Variants in PLAC1 observed in about 807,000 individuals in gnomAD.
The protein encoded by PLAC1 is placenta associated 1.
For synonymous variants in PLAC1, 68 were observed against 62.1 expected (o/e 1.09, Z -0.44); for missense variants, 136 against 163.2 (o/e 0.83, Z 0.91).
intron 2 of PLAC1, among the ~76,000 whole-genome samples, chrX:134,688,847 T>G (rs1427278653): frequency 8.9e-6 from 1 of 112,234 alleles, no homozygotes; most frequent in Non-Finnish European, 1.9e-5. Context: ...CAATCTCATA[T>G]TTCAAGCTGC....
intron 2 of PLAC1, among the ~76,000 whole-genome samples, chrX:134,581,882 C>G (rs910389601): frequency 9.0e-6 from 1 of 111,544 alleles, no homozygotes; most frequent in African/African-American, 3.3e-5. Context: ...GAAATCAAGA[C>G]TGGGGTATTA....
chrX:134,623,267 A>G (rs766681069), intron 1 of PLAC1, among the ~76,000 whole-genome samples: 2 of 112,298 alleles, frequency 1.8e-5, no homozygotes, highest in African/African-American at 6.5e-5. Context: ...TCCAGAGCAG[A>G]TACAAGTTGT....
At chrX:134,745,501 G>GC (rs778185168) in intron 1 of PLAC1, among the ~76,000 whole-genome samples, 4 of 111,662 alleles carry the variant, frequency 3.6e-5, no homozygotes, top group Non-Finnish European at 7.5e-5. Context: ...AACCACAATG[G>GC]CTACCATCTT....
intron 1 of PLAC1, among the ~76,000 whole-genome samples, chrX:134,761,967 C>T (rs749381615): frequency 5.4e-5 from 6 of 111,889 alleles, no homozygotes; most frequent in Admixed American, 9.4e-5. Context: ...GCAGAGCATT[C>T]GAGAACTTTT....
chrX:134,579,212 G>T (rs1181104648), intron 2 of PLAC1, among the ~76,000 whole-genome samples: 4 of 110,449 alleles, frequency 3.6e-5, no homozygotes, highest in African/African-American at 1.3e-4. Context: ...CAGCTCTCCT[G>T]TAAGGGCCCC....
At chrX:134,619,380 C>T (rs1304857736) in intron 1 of PLAC1, among the ~76,000 whole-genome samples, 2 of 111,777 alleles carry the variant, frequency 1.8e-5, no homozygotes, top group Non-Finnish European at 3.8e-5. Context: ...TGGCTGGACG[C>T]GGTGGCTCAT....
At chrX:134,644,940 A>G (rs1241924692) in intron 1 of PLAC1, among the ~76,000 whole-genome samples, 2 of 111,659 alleles carry the variant, frequency 1.8e-5, no homozygotes, top group Non-Finnish European at 3.8e-5. Context: ...TCCTATTCGA[A>G]GACTACTATC....
chrX:134,756,316 G>A (rs912894496), intron 1 of PLAC1, among the ~76,000 whole-genome samples: 2 of 108,248 alleles, frequency 1.8e-5, no homozygotes, highest in Admixed American at 9.8e-5. Flanking sequence ...GAAATTAATC[G>A]ACGTTTTCTT....
rs191880452 is a variant in PLAC1, at chrX:134,720,427, G to A, written n.174+13008C>T. 1.1e-3 allele frequency among the ~76,000 whole-genome samples: 126 copies of A among 109,669 alleles called. 1 individual carries two copies. Among genetic ancestry groups the A allele is most frequent in the African/African-American group, 4.1e-3 (123 of 30,194 alleles). On this transcript the variant is annotated intron_variant and non_coding_transcript_variant, in intron 2 of 2. Coordinates refer to the PLAC1 transcript ENST00000466797. ...GGCAGTACTCCCCCAATTGTTCTAC[G>A]GATTCAGTGTAATCTCTAATAAAAT...
chrX:134,694,067 A>AT (rs922818545), intron 2 of PLAC1, among the ~76,000 whole-genome samples: 2 of 109,970 alleles, frequency 1.8e-5, no homozygotes, highest in Admixed American at 1.9e-4. Flanking sequence ...TCTATAAATG[A>AT]TTTTTTTTTC....
At chrX:134,612,809 C>T (rs923076317) in intron 1 of PLAC1, among the ~76,000 whole-genome samples, 3 of 111,195 alleles carry the variant, frequency 2.7e-5, no homozygotes, top group Admixed American at 9.6e-5. Flanking sequence ...GCCCCTGAGC[C>T]GGAGTAGCTG....
intron 2 of PLAC1, among the ~76,000 whole-genome samples, chrX:134,703,892 C>T (rs995734044): frequency 2.8e-5 from 3 of 107,934 alleles, no homozygotes; most frequent in African/African-American, 6.7e-5. Flanking sequence ...AAGGATAAAT[C>T]GAAATATATC....
chrX:134,684,816 T>C (rs769443562), intron 2 of PLAC1, among the ~76,000 whole-genome samples: 10 of 112,161 alleles, frequency 8.9e-5, no homozygotes, highest in African/African-American at 3.2e-4. Flanking sequence ...TAGAGCCTTA[T>C]TGGACAGCCC....
At chrX:134,617,379 G>A (rs767173797) in intron 1 of PLAC1, among the ~76,000 whole-genome samples, 3 of 111,759 alleles carry the variant, frequency 2.7e-5, no homozygotes, top group Non-Finnish European at 3.8e-5. Context: ...TAGAAGTGGC[G>A]AGATTGGGAT....
intron 1 of PLAC1, among the ~76,000 whole-genome samples, chrX:134,607,908 G>A (rs941357786): frequency 9.0e-6 from 1 of 111,316 alleles, no homozygotes; most frequent in Admixed American, 9.6e-5. Flanking sequence ...ATCTCCAGAT[G>A]AGAATGCATC....
chrX:134,676,366 G>A (rs1416702104), intron 2 of PLAC1, among the ~76,000 whole-genome samples: 2 of 111,205 alleles, frequency 1.8e-5, no homozygotes, highest in African/African-American at 6.6e-5. Flanking sequence ...TGCTCCCTCC[G>A]CTGACATTAT....
At chrX:134,570,464 G>T (rs1179495732) in intron 2 of PLAC1, among the ~76,000 whole-genome samples, 1 of 111,446 alleles carries the variant, frequency 9.0e-6, no homozygotes, top group African/African-American at 3.3e-5. Flanking sequence ...GACTGGGGAA[G>T]AAATAAATGC....
intron 1 of PLAC1, among the ~76,000 whole-genome samples, chrX:134,763,578 T>G (rs2078775997): frequency 9.0e-6 from 1 of 110,788 alleles, no homozygotes; most frequent in Non-Finnish European, 1.9e-5. Context: ...CCCAGCACTT[T>G]GGGAGGCCGA....
intron 1 of PLAC1, among the ~76,000 whole-genome samples, chrX:134,628,850 A>G (rs2124415151): frequency 9.0e-6 from 1 of 111,566 alleles, no homozygotes; most frequent in East Asian, 2.8e-4. Flanking sequence ...GTTGGATCAT[A>G]GTTTCTAGTA....
Sources: gnomAD v4.1 joint callset for allele counts (sites outside exome capture counted in the v4.1 genomes callset) on GRCh38, gnomAD v4.1.1 for gene constraint, MANE v1.5 for transcripts, NCBI Gene and HGNC (gene_info 2026-07-23, HGNC 2026-07-21) for gene names.